The following ANKH variants were observed in gnomAD, a reference collection of about 807,000 sequenced individuals.
The protein encoded by ANKH is mineralization regulator ANKH.
ANKH carries 15 observed loss-of-function variants against 49.0 expected under a neutral mutation model. That is an observed-to-expected ratio of 0.31 (90% CI 0.20 to 0.47). ANKH has a LOEUF of 0.47. Among genes scored for constraint, ANKH ranks in the 20% least tolerant of loss-of-function variants. The pLI, the probability that ANKH is intolerant of heterozygous loss-of-function variation, is 1.00. For synonymous variants in ANKH, 273 were observed against 260.0 expected (o/e 1.05, Z -0.48); for missense variants, 429 against 652.0 (o/e 0.66, Z 3.72).
In ANKH at chr5:14,745,325, G is replaced by A. The variant is rs1390555175; in HGVS notation, c.915+545C>T. ...CTGGGTCACAAGTTACAGGGCAGAA[G>A]GGTTATGTGACTCCCATGGCTGGGG... On this transcript the variant is annotated intron_variant, in intron 7 of 11. Coordinates refer to ENST00000284268, the MANE Select transcript of ANKH (RefSeq NM_054027.6). This position sits in a 1 kb window ranked among gnomAD's most constrained non-coding sequence, Gnocchi z 4.7. Among the ~76,000 whole-genome samples the A allele has an allele frequency of 6.6e-6, 1 of 152,210 alleles. No homozygotes were observed. The highest frequency in any genetic ancestry group is 1.9e-4 in the East Asian group (1 of 5,200).
chr5:14,799,734 C>T (rs1422573944), intron 1 of ANKH, among the ~76,000 whole-genome samples: 1 of 152,170 alleles, frequency 6.6e-6, no homozygotes, highest in African/African-American at 2.4e-5. Context: ...TATTACTGCT[C>T]ATTGACAATG....
At chr5:14,764,319 C>T (rs764297425) in intron 2 of ANKH, among the ~76,000 whole-genome samples, 3 of 152,026 alleles carry the variant, frequency 2.0e-5, no homozygotes, top group East Asian at 1.9e-4. Context: ...CTCAGGGAGC[C>T]GTCATGTGTG....
intron 2 of ANKH, among the ~76,000 whole-genome samples, chr5:14,765,254 G>A (rs781013276): frequency 1.3e-5 from 2 of 152,210 alleles, no homozygotes; most frequent in Non-Finnish European, 2.9e-5. Flanking sequence ...TGTTCAACAA[G>A]GGCCAAGAAA....
chr5:14,867,386 C>T (rs1251961429), intron 1 of ANKH, among the ~76,000 whole-genome samples: 2 of 152,112 alleles, frequency 1.3e-5, no homozygotes, highest in African/African-American at 4.8e-5. Flanking sequence ...GATACAGGCA[C>T]ATACTAGGTG....
At chr5:14,870,982 C>G in intron 1 of ANKH, 2 of 367,718 alleles carry the variant, frequency 5.4e-6, no homozygotes, top group South Asian at 4.2e-5. Context: ...TCACCATTAC[C>G]ACCAGCCATG....
intron 6 of ANKH, 38 bp downstream of exon 6, chr5:14,749,134 G>A: frequency 6.2e-7 from 1 of 1,613,796 alleles, no homozygotes; most frequent in Non-Finnish European, 8.5e-7. Context: ...GCCCCACCAA[G>A]GTGATCATAA....
intron 1 of ANKH, among the ~76,000 whole-genome samples, chr5:14,817,710 T>C (rs1364578295): frequency 6.6e-6 from 1 of 152,216 alleles, no homozygotes; most frequent in Non-Finnish European, 1.5e-5. Flanking sequence ...CCCTCTGACA[T>C]GGCTACATAA....
rs1049242952 is a variant in ANKH, at chr5:14,717,037, C to G, written c.1012-202G>C. 2.3e-5 allele frequency: 14 copies of G among 616,328 alleles called. No homozygotes were observed. The African/African-American group carries it at 2.6e-4, about 11-fold the overall frequency. The allele number at this position is 616,328 out of a possible 1,614,324, so 38.2% of individuals were successfully genotyped here. A position where few individuals can be genotyped will look rare whatever the true frequency, so the allele number is the denominator to read the frequency against. On this transcript the variant is annotated intron_variant, in intron 8 of 11. Transcript: ENST00000284268. The stretch of plus-strand genomic sequence containing the variant: ...AGAGGCCCTGGTCCATTAGCCATGT[C>G]TGTACCCAGGGGACCCCCACGGCAG...
chr5:14,802,905 T>G (rs1740605629), intron 1 of ANKH, among the ~76,000 whole-genome samples: 1 of 152,180 alleles, frequency 6.6e-6, no homozygotes, highest in African/African-American at 2.4e-5. Context: ...CAATAAAGAC[T>G]TGTTGAATGG....
At chr5:14,784,691 C>T (rs1180649336) in intron 1 of ANKH, among the ~76,000 whole-genome samples, 5 of 152,116 alleles carry the variant, frequency 3.3e-5, no homozygotes, top group Admixed American at 2.6e-4. Context: ...TGGCCAACCT[C>T]TACCTGGAAG....
chr5:14,842,344 G>A (rs745454170), intron 1 of ANKH, among the ~76,000 whole-genome samples: 9 of 152,132 alleles, frequency 5.9e-5, no homozygotes, highest in Non-Finnish European at 1.0e-4. Context: ...TCAGCTCACT[G>A]GCATACCTGA....
At chr5:14,724,177 C>T (rs1042300634) in intron 8 of ANKH, among the ~76,000 whole-genome samples, 1 of 152,050 alleles carries the variant, frequency 6.6e-6, no homozygotes, top group African/African-American at 2.4e-5. Context: ...AGTAGCCAGG[C>T]GTGGTGGTGT....
intron 1 of ANKH, among the ~76,000 whole-genome samples, chr5:14,821,568 A>G (rs1741197090): frequency 1.3e-5 from 2 of 152,250 alleles, no homozygotes; most frequent in South Asian, 4.1e-4. Flanking sequence ...AGCATTTGAA[A>G]TGGCATTAAT....
intron 1 of ANKH, among the ~76,000 whole-genome samples, chr5:14,793,047 T>TATATATATATATAA (rs1209292505): frequency 3.1e-4 from 20 of 64,698 alleles, no homozygotes; most frequent in South Asian, 2.5e-3. Context: ...AATATATATA[T>TATATATATATATAA]AAATATATAT....
At position 14,745,305 on chromosome 5, in the gene ANKH, T is replaced by A. The variant is rs1209676540; in HGVS notation, c.915+565A>T. Among the ~76,000 whole-genome samples, 1 of 152,132 alleles carries A rather than the reference T, an allele frequency of 6.6e-6. No individual in the cohort carries two copies. The highest frequency in any genetic ancestry group is 2.4e-5 in the African/African-American group (1 of 41,410). On this transcript the variant is annotated intron_variant, in intron 7 of 11. Transcript: ENST00000284268. This position sits in a 1 kb window ranked among gnomAD's most constrained non-coding sequence, Gnocchi z 4.7. ...TGACAGCAGGACAGTGCTGACTGGG[T>A]CACAAGTTACAGGGCAGAAGGGTTA...
In ANKH at chr5:14,713,183, C is replaced by T. The variant is rs1303987218; in HGVS notation, c.1266-210G>A. 6.6e-6 allele frequency among the ~76,000 whole-genome samples: 1 copy of T among 152,172 alleles called. No individual in the cohort carries two copies. Among genetic ancestry groups the T allele is most frequent in the Non-Finnish European group, 1.5e-5 (1 of 68,026 alleles). On this transcript the variant is annotated intron_variant, in intron 10 of 11. Coordinates refer to ENST00000284268, the MANE Select transcript of ANKH (RefSeq NM_054027.6). The surrounding 1 kb of genome is among the most constrained non-coding windows in gnomAD (Gnocchi z 4.4). ...GCTGGGCCACCTCCCTCCCACAGCA[C>T]ATGGATCCCACAGCCCTTCCCACCC...
chr5:14,743,285 G>A (rs1203561248), intron 7 of ANKH, among the ~76,000 whole-genome samples: 3 of 152,222 alleles, frequency 2.0e-5, no homozygotes, highest in Admixed American at 6.5e-5. Context: ...TGCTGGGTAC[G>A]ATGAGGAGGC....
chr5:14,821,158 C>A (rs1050105332), intron 1 of ANKH, among the ~76,000 whole-genome samples: 1 of 151,900 alleles, frequency 6.6e-6, no homozygotes, highest in South Asian at 2.1e-4. Context: ...TATTAAAGCC[C>A]GACATCATAT....
chr5:14,847,364 G>A (rs1379549600), intron 1 of ANKH, among the ~76,000 whole-genome samples: 1 of 152,206 alleles, frequency 6.6e-6, no homozygotes, highest in Non-Finnish European at 1.5e-5. Context: ...AGAAACAGCT[G>A]TGCTAGTGCA....
Sources: allele counts gnomAD v4.1 joint callset (sites outside exome capture counted in the v4.1 genomes callset), GRCh38; gene constraint gnomAD v4.1.1; non-coding constraint Gnocchi (gnomAD v3.1); transcripts MANE v1.5; gene names NCBI Gene and HGNC (gene_info 2026-07-23, HGNC 2026-07-21).